Variants in BICC1 observed in about 807,000 individuals in gnomAD.
BICC1 encodes protein bicaudal C homolog 1.
BICC1 carries 43 observed loss-of-function variants against 111.0 expected under a neutral mutation model. That is an observed-to-expected ratio of 0.39 (90% CI 0.30 to 0.50). The LOEUF (loss-of-function observed/expected upper bound fraction) is 0.50. BICC1 is among the 20% of genes least tolerant of loss of function. The pLI, the probability that BICC1 is intolerant of heterozygous loss-of-function variation, is 0.88. For missense variants in BICC1, 1,091 were observed against 1,203.2 expected, an observed-to-expected ratio of 0.91 and a Z score of 1.38; for synonymous variants, 467 against 434.4, an observed-to-expected ratio of 1.07 and a Z score of -0.93.
chr10:58,550,658 A>G (rs976711860), intron 1 of BICC1, among the ~76,000 whole-genome samples: 48 of 152,112 alleles, frequency 3.2e-4, no homozygotes, highest in African/African-American at 1.0e-3. Context: ...TGGTGTATGA[A>G]TATACAATTA....
chr10:58,798,503 G>A lies in BICC1; in HGVS notation c.1471G>A (p.Gly491Ser). Residue 491 changes from glycine to serine, a missense_variant, in exon 11 of 21, where the codon GGT becomes AGT. By Grantham distance (56) the Gly-to-Ser change is moderately conservative. Coordinates refer to ENST00000373886, the MANE Select transcript of BICC1 (RefSeq NM_001080512.3). ...CAGTCCTTTGCAAAGTCCAAGTTCT[G>A]GTACACCCAGCCCCACATTATGGGC... ...SVSPLQSPSS[G>S]TPSPTLWAPP... 1 of 1,612,666 alleles carries A rather than the reference G, an allele frequency of 6.2e-7. No homozygotes were observed. The highest frequency in any genetic ancestry group is 8.5e-7 in the Non-Finnish European group (1 of 1,179,376).
intron 3 of BICC1, among the ~76,000 whole-genome samples, chr10:58,759,170 G>A (rs2132673596): frequency 6.6e-6 from 1 of 152,058 alleles, no homozygotes; most frequent in South Asian, 2.1e-4. Context: ...ATGTTGGCCA[G>A]GCTGGTCTCG....
chr10:58,522,555 A>G (rs978258289), intron 1 of BICC1, among the ~76,000 whole-genome samples: 2 of 152,208 alleles, frequency 1.3e-5, no homozygotes, highest in South Asian at 2.1e-4. Context: ...CATTCAAAGC[A>G]GTGTGTAGAG....
chr10:58,726,096 T>A (rs1345475804), intron 3 of BICC1, among the ~76,000 whole-genome samples: 2 of 152,248 alleles, frequency 1.3e-5, no homozygotes, highest in Admixed American at 6.5e-5. Context: ...GTAATTTTAA[T>A]TAGACTGCAA....
At chr10:58,627,375 G>A (rs1022141382) in intron 2 of BICC1, among the ~76,000 whole-genome samples, 1 of 152,148 alleles carries the variant, frequency 6.6e-6, no homozygotes, top group African/African-American at 2.4e-5. Context: ...AGACTTATTG[G>A]CATTAGTTTA....
intron 3 of BICC1, among the ~76,000 whole-genome samples, chr10:58,736,395 A>C (rs1159554174): frequency 7.4e-6 from 1 of 135,216 alleles, no homozygotes; most frequent in Non-Finnish European, 1.6e-5. Context: ...CAACATATGT[A>C]GAATTTTGTG....
At chr10:58,531,675 C>T (rs1190213746) in intron 1 of BICC1, among the ~76,000 whole-genome samples, 1 of 151,380 alleles carries the variant, frequency 6.6e-6, no homozygotes, top group East Asian at 1.9e-4. Context: ...TACAATGAAA[C>T]TGTGAATAAA....
intron 1 of BICC1, among the ~76,000 whole-genome samples, chr10:58,614,569 G>A (rs985921612): frequency 6.6e-6 from 1 of 152,088 alleles, no homozygotes; most frequent in African/African-American, 2.4e-5. Context: ...GCAGGTTTCT[G>A]GTTAAATTTT....
chr10:58,532,311 A>C (rs1842702881), intron 1 of BICC1, among the ~76,000 whole-genome samples: 1 of 149,602 alleles, frequency 6.7e-6, no homozygotes, highest in Non-Finnish European at 1.5e-5. Context: ...GAAAAAAAAA[A>C]CTATGCATGG....
At chr10:58,694,067 A>G (rs1018619748) in intron 2 of BICC1, among the ~76,000 whole-genome samples, 14 of 152,052 alleles carry the variant, frequency 9.2e-5, no homozygotes, top group Non-Finnish European at 2.1e-4. Flanking sequence ...CTAAGTTCCT[A>G]TGGCTGAGCA....
intron 3 of BICC1, among the ~76,000 whole-genome samples, chr10:58,761,350 G>A (rs888685920): frequency 6.6e-6 from 1 of 152,160 alleles, no homozygotes; most frequent in African/African-American, 2.4e-5. Context: ...CAGTGACAAG[G>A]TTTAAAATCG....
intron 1 of BICC1, among the ~76,000 whole-genome samples, chr10:58,535,660 C>T (rs760867735): frequency 9.2e-5 from 14 of 151,516 alleles, no homozygotes; most frequent in Admixed American, 4.0e-4. Flanking sequence ...GCTTATAAAA[C>T]AATAACACAG....
At chr10:58,807,571 AT>A (rs1393075830) in intron 17 of BICC1, among the ~76,000 whole-genome samples, 1 of 152,206 alleles carries the variant, frequency 6.6e-6, no homozygotes, top group African/African-American at 2.4e-5. Flanking sequence ...AGGTTTTCAG[AT>A]ATGAGTTAAA....
intron 1 of BICC1, among the ~76,000 whole-genome samples, chr10:58,585,957 T>G (rs1027240370): frequency 6.6e-6 from 1 of 152,132 alleles, no homozygotes; most frequent in Non-Finnish European, 1.5e-5. Context: ...CACAGTATGT[T>G]AGTAGCCACA....
chr10:58,637,751 ATAG>A (rs1236701403), intron 2 of BICC1, among the ~76,000 whole-genome samples: 1 of 152,262 alleles, frequency 6.6e-6, no homozygotes, highest in African/African-American at 2.4e-5. Flanking sequence ...ACATGATAAC[ATAG>A]TAGATTCTGT....
chr10:58,606,063 T>C (rs1845201205), intron 1 of BICC1, among the ~76,000 whole-genome samples: 1 of 152,182 alleles, frequency 6.6e-6, no homozygotes, highest in Non-Finnish European at 1.5e-5. Flanking sequence ...GCTTTTTTTT[T>C]TCCCTGACAA....
intron 1 of BICC1, among the ~76,000 whole-genome samples, chr10:58,594,545 G>A (rs1844748240): frequency 6.6e-6 from 1 of 152,162 alleles, no homozygotes; most frequent in Non-Finnish European, 1.5e-5. Flanking sequence ...AACCCTACAA[G>A]CCAGAAGAGG....
At chr10:58,538,328 C>A (rs993318164) in intron 1 of BICC1, among the ~76,000 whole-genome samples, 1 of 151,792 alleles carries the variant, frequency 6.6e-6, no homozygotes, top group East Asian at 1.9e-4. Flanking sequence ...CGAATACTTA[C>A]AACCAACTGA....
At chr10:58,526,470 ATGT>A (rs1842545540) in intron 1 of BICC1, among the ~76,000 whole-genome samples, 1 of 151,950 alleles carries the variant, frequency 6.6e-6, no homozygotes, top group Non-Finnish European at 1.5e-5. Flanking sequence ...TACATGTGTC[ATGT>A]TGGTGTGCTG....
Sources: gnomAD v4.1 joint callset for allele counts (sites outside exome capture counted in the v4.1 genomes callset) on GRCh38, gnomAD v4.1.1 for gene constraint, MANE v1.5 for transcripts, NCBI Gene and HGNC (gene_info 2026-07-23, HGNC 2026-07-21) for gene names.